PRKG1: variants seen among roughly 807,000 people sequenced by gnomAD.
The protein encoded by PRKG1 is protein kinase cGMP-dependent 1, also known as cGMP-dependent protein kinase 1.
A neutral mutation model predicts 88.1 loss-of-function variants in PRKG1; 35 were observed. The observed-to-expected ratio is 0.40, with a 90% CI of 0.30 to 0.53. The LOEUF (loss-of-function observed/expected upper bound fraction) is 0.53. Ranked by LOEUF, PRKG1 falls within the 20% of genes least tolerant of loss-of-function variation. PRKG1 has a pLI of 0.59. For synonymous variants in PRKG1, 303 were observed against 292.5 expected (o/e 1.04, Z -0.37); for missense variants, 540 against 839.8 (o/e 0.64, Z 4.41).
chr10:51,998,493 G>T (rs143406889), intron 5 of PRKG1, among the ~76,000 whole-genome samples: 1 of 151,974 alleles, frequency 6.6e-6, no homozygotes, highest in Non-Finnish European at 1.5e-5. Flanking sequence ...TGATGCATTT[G>T]GAAAGATGTT....
At chr10:51,751,097 C>G (rs1463042003) in intron 3 of PRKG1, among the ~76,000 whole-genome samples, 2 of 152,126 alleles carry the variant, frequency 1.3e-5, no homozygotes, top group African/African-American at 4.8e-5. Flanking sequence ...CTTTTCCCTC[C>G]CCAACCTTAC....
At chr10:51,041,411 C>A (rs1056201380) in intron 1 of PRKG1, among the ~76,000 whole-genome samples, 1 of 152,168 alleles carries the variant, frequency 6.6e-6, no homozygotes, top group African/African-American at 2.4e-5. Flanking sequence ...ATAGCCACCA[C>A]GGCTGGGCAT....
chr10:52,096,227 TG>T (rs1847169644), intron 7 of PRKG1, among the ~76,000 whole-genome samples: 3 of 152,228 alleles, frequency 2.0e-5, no homozygotes, highest in Admixed American at 6.5e-5. Context: ...GATGTGTTTT[TG>T]TAATCAACCT....
intron 2 of PRKG1, among the ~76,000 whole-genome samples, chr10:51,372,325 T>A (rs926378679): frequency 7.2e-5 from 11 of 152,244 alleles, no homozygotes; most frequent in African/African-American, 2.4e-4. Flanking sequence ...TTTTTAAATA[T>A]CTTTTTGCTA....
chr10:51,524,019 C>T (rs911317171), intron 3 of PRKG1, among the ~76,000 whole-genome samples: 6 of 152,028 alleles, frequency 3.9e-5, no homozygotes, highest in South Asian at 2.1e-4. Flanking sequence ...GGGCTGTTCT[C>T]GTGATAGTGA....
intron 3 of PRKG1, among the ~76,000 whole-genome samples, chr10:51,557,115 C>T (rs1024364216): frequency 6.6e-6 from 1 of 151,888 alleles, no homozygotes; most frequent in African/African-American, 2.4e-5. Context: ...CTCTTTCTTC[C>T]AGCTTCTTTT....
chr10:51,859,969 T>C (rs1163237226), intron 4 of PRKG1, among the ~76,000 whole-genome samples: 2 of 152,214 alleles, frequency 1.3e-5, no homozygotes, highest in Non-Finnish European at 2.9e-5. Flanking sequence ...TATATAGTTC[T>C]ACGTATGTTA....
intron 5 of PRKG1, among the ~76,000 whole-genome samples, chr10:51,941,030 T>C (rs1237805436): frequency 2.0e-5 from 3 of 151,936 alleles, no homozygotes; most frequent in African/African-American, 7.3e-5. Flanking sequence ...ACTTGTTACA[T>C]AGCAAAAAAA....
At chr10:51,534,537 G>A (rs917271199) in intron 3 of PRKG1, among the ~76,000 whole-genome samples, 9 of 110,260 alleles carry the variant, frequency 8.2e-5, no homozygotes, top group Admixed American at 2.1e-4. Flanking sequence ...GCGAGGTGGC[G>A]GGCTCCTGTA....
At chr10:51,645,137 C>T (rs1227327249) in intron 3 of PRKG1, among the ~76,000 whole-genome samples, 1 of 152,156 alleles carries the variant, frequency 6.6e-6, no homozygotes, top group Non-Finnish European at 1.5e-5. Context: ...GTCATTGTTT[C>T]TAAGCCTCAT....
chr10:51,294,631 A>G (rs1840670770), intron 2 of PRKG1, among the ~76,000 whole-genome samples: 1 of 152,198 alleles, frequency 6.6e-6, no homozygotes, highest in Non-Finnish European at 1.5e-5. Flanking sequence ...TTACTTTTGC[A>G]CTAAACTAAT....
intron 3 of PRKG1, among the ~76,000 whole-genome samples, chr10:51,636,463 G>A (rs1049925458): frequency 1.3e-5 from 2 of 152,196 alleles, no homozygotes; most frequent in African/African-American, 4.8e-5. Flanking sequence ...GCAAGAGTAA[G>A]CTGACCGATA....
chr10:51,445,006 G>A (rs1211672505), intron 2 of PRKG1, among the ~76,000 whole-genome samples: 1 of 151,962 alleles, frequency 6.6e-6, no homozygotes, highest in Non-Finnish European at 1.5e-5. Context: ...GGATGTTACA[G>A]TGCTGTTCAG....
At chr10:52,037,218 G>A (rs1319333540) in intron 5 of PRKG1, among the ~76,000 whole-genome samples, 1 of 152,198 alleles carries the variant, frequency 6.6e-6, no homozygotes, top group African/African-American at 2.4e-5. Flanking sequence ...CAGATTTCTG[G>A]CACATGTAGC....
intron 8 of PRKG1, among the ~76,000 whole-genome samples, chr10:52,135,424 A>T (rs1837383299): frequency 6.6e-6 from 1 of 152,098 alleles, no homozygotes; most frequent in Non-Finnish European, 1.5e-5. Flanking sequence ...GCAAAAAGTT[A>T]TCACTATAAC....
chr10:51,473,480 T>C (rs1008237096), intron 3 of PRKG1, among the ~76,000 whole-genome samples: 3 of 151,878 alleles, frequency 2.0e-5, no homozygotes, highest in Admixed American at 6.6e-5. Context: ...AAAATTCATG[T>C]CCAATTTCTA....
At chr10:51,682,176 CAG>C (rs1035929814) in intron 3 of PRKG1, among the ~76,000 whole-genome samples, 1 of 152,180 alleles carries the variant, frequency 6.6e-6, no homozygotes, top group African/African-American at 2.4e-5. Context: ...TTGGGTCAAA[CAG>C]AGTCAGCTGT....
chr10:51,547,397 C>G (rs1455979603), intron 3 of PRKG1, among the ~76,000 whole-genome samples: 4 of 151,882 alleles, frequency 2.6e-5, no homozygotes, highest in Non-Finnish European at 5.9e-5. Flanking sequence ...TTTTATAGTT[C>G]AAGTGTGGTT....
chr10:52,240,336 G>T (rs1840826699), intron 9 of PRKG1, among the ~76,000 whole-genome samples: 1 of 151,998 alleles, frequency 6.6e-6, no homozygotes, highest in Non-Finnish European at 1.5e-5. Context: ...CCCAAATTGA[G>T]GGACATTCTA....
Sources: allele counts gnomAD v4.1 joint callset (sites outside exome capture counted in the v4.1 genomes callset), GRCh38; gene constraint gnomAD v4.1.1; transcripts MANE v1.5; gene names NCBI Gene and HGNC (gene_info 2026-07-23, HGNC 2026-07-21).